Variants in FBLN1 observed in about 807,000 individuals in gnomAD.
The protein encoded by FBLN1 is fibulin-1.
FBLN1 carries 34 observed loss-of-function variants against 89.7 expected under a neutral mutation model. The ratio of observed to expected loss-of-function variants is 0.38; its 90% CI spans 0.29 to 0.50. The LOEUF is 0.50. Ranked by LOEUF, FBLN1 falls within the 20% of genes least tolerant of loss-of-function variation. FBLN1 has a pLI of 0.92. For synonymous variants in FBLN1, 393 were observed against 391.3 expected (o/e 1.00, Z -0.05); for missense variants, 777 against 988.1 (o/e 0.79, Z 2.86).
intron 14 of FBLN1, chr22:45,565,816 C>G (rs886286252): frequency 3.9e-5 from 6 of 154,260 alleles, no homozygotes; most frequent in African/African-American, 1.4e-4. Flanking sequence ...AATCCCAGCA[C>G]TTTGGGAGGC....
At chr22:45,547,056 TGA>T in intron 11 of FBLN1, 27 bp from the exon 12 acceptor site, 1 of 1,613,880 alleles carries the variant, frequency 6.2e-7, no homozygotes, top group Non-Finnish European at 8.5e-7. Flanking sequence ...TATGATGCTC[TGA>T]GCGGTGACCC....
At chr22:45,560,681 T>G (rs1220324345) in intron 14 of FBLN1, among the ~76,000 whole-genome samples, 1 of 152,220 alleles carries the variant, frequency 6.6e-6, no homozygotes, top group Non-Finnish European at 1.5e-5. Flanking sequence ...TCCGACACCC[T>G]TAATATCCAT....
rs566250386 is a variant in FBLN1, at chr22:45,566,919, A to G, written c.1698-7592A>G. On this transcript the variant is annotated intron_variant, in intron 14 of 16. Transcript: ENST00000327858. ...TAATAACAACTCCAACAGCTAACAC[A>G]TAGAGTGCTGACCATGAGACAGGCG... Among the ~76,000 whole-genome samples, 3 of 152,362 alleles carry G rather than the reference A, an allele frequency of 2.0e-5. 1 individual carries two copies. The highest frequency in any genetic ancestry group is 4.1e-4 in the South Asian group (2 of 4,830).
In FBLN1 at chr22:45,518,792, G is replaced by A. The variant is rs375402034; in HGVS notation, c.185+5G>A. On this transcript the variant is annotated splice_donor_5th_base_variant and intron_variant, in intron 2 of 16. Transcript: ENST00000327858. ...TACGGAATCCAAAGAATGCAGGTAC[G>A]TTTGCCAGTGGCCACTGTTTCACTG... 9.4e-5 allele frequency: 150 copies of A among 1,599,890 alleles called. No homozygotes were observed. Among genetic ancestry groups the A allele is most frequent in the Admixed American group, 1.9e-4 (11 of 58,596 alleles).
At chr22:45,593,748 C>G (rs920464428) in intron 16 of FBLN1, among the ~76,000 whole-genome samples, 1 of 152,214 alleles carries the variant, frequency 6.6e-6, no homozygotes, top group Admixed American at 6.5e-5. Flanking sequence ...AAAGTGTTGT[C>G]TTCGTTCCTA....
At chr22:45,503,380 AGCTGGGCTGGGGGACGCTG>A in intron 1 of FBLN1, 1 of 192,658 alleles carries the variant, frequency 5.2e-6, no homozygotes, top group Middle Eastern at 2.0e-3. Flanking sequence ...CAGGGGCGCT[AGCTGGGCTGGGGGACGCTG>A]GCTGGGGGTT....
At chr22:45,591,625 T>C (rs895179637) in intron 16 of FBLN1, among the ~76,000 whole-genome samples, 1 of 152,142 alleles carries the variant, frequency 6.6e-6, no homozygotes, top group African/African-American at 2.4e-5. Flanking sequence ...CTTCCCGGCT[T>C]TTATGGCGTT....
chr22:45,525,413 A>G (rs1016203512), intron 2 of FBLN1, 130 bp from the exon 3 acceptor site: 6 of 842,900 alleles, frequency 7.1e-6, no homozygotes, highest in Non-Finnish European at 1.1e-5. Context: ...GGCACTGTGT[A>G]TTTCTCTCTC....
intron 2 of FBLN1, among the ~76,000 whole-genome samples, chr22:45,522,604 C>T (rs935570935): frequency 6.6e-6 from 1 of 152,186 alleles, no homozygotes; most frequent in African/African-American, 2.4e-5. Flanking sequence ...GCAGCTTCAA[C>T]AAGGACGTGT....
chr22:45,570,770 A>C (rs2088946722), intron 14 of FBLN1, among the ~76,000 whole-genome samples: 1 of 152,202 alleles, frequency 6.6e-6, no homozygotes, highest in Admixed American at 6.6e-5. Context: ...GTACCTGAGA[A>C]TATCAACAAG....
At chr22:45,589,798 G>A (rs917191199) in intron 16 of FBLN1, among the ~76,000 whole-genome samples, 2 of 151,898 alleles carry the variant, frequency 1.3e-5, no homozygotes, top group Admixed American at 1.3e-4. Flanking sequence ...GCACCAAGCT[G>A]CCTCATGTCT....
In FBLN1 at chr22:45,550,342, G is replaced by A. The variant is rs2088685635; in HGVS notation, c.1574-150G>A. On this transcript the variant is annotated intron_variant, in intron 13 of 16. Coordinates refer to ENST00000327858, the MANE Select transcript of FBLN1 (RefSeq NM_006486.3). This position sits in a 1 kb window ranked among gnomAD's most constrained non-coding sequence, Gnocchi z 8.4. ...ATAAATGTAAGAACTGGCACAGGAC[G>A]CTGCTCTGAAGATCAGCCAGTGGAG... The A allele has an allele frequency of 8.1e-6, 8 of 993,112 alleles. No individual in the cohort carries two copies. The highest frequency in any genetic ancestry group is 3.2e-5 in the African/African-American group (2 of 62,900). 61.5% of individuals were successfully genotyped at this position (993,112 alleles called of 1,614,324 possible).
chr22:45,557,319 A>G lies in FBLN1; in HGVS notation c.1697+6704A>G, dbSNP rs1333773080. Among the ~76,000 whole-genome samples the G allele has an allele frequency of 6.6e-6, 1 of 152,212 alleles. No individual in the cohort carries two copies. Among genetic ancestry groups the G allele is most frequent in the Non-Finnish European group, 1.5e-5 (1 of 68,038 alleles). ...AAACCCATATCCAGAGTAAGTGTCT[A>G]TTCCGGTGAGGACAAACCTCTGCCA... On this transcript the variant is annotated intron_variant, in intron 14 of 16. Coordinates refer to ENST00000327858, the MANE Select transcript of FBLN1 (RefSeq NM_006486.3). The surrounding 1 kb of genome is among the most constrained non-coding windows in gnomAD (Gnocchi z 4.9).
At chr22:45,528,763 G>T (rs2088365182) in intron 4 of FBLN1, among the ~76,000 whole-genome samples, 1 of 152,184 alleles carries the variant, frequency 6.6e-6, no homozygotes, top group Non-Finnish European at 1.5e-5. Flanking sequence ...GGTAACACGT[G>T]CATCCGTGTC....
chr22:45,533,586 C>CA (rs2088439294), intron 6 of FBLN1, among the ~76,000 whole-genome samples, 175 bp from the exon 7 acceptor site: 1 of 152,228 alleles, frequency 6.6e-6, no homozygotes, highest in Admixed American at 6.5e-5. Flanking sequence ...GGAGAGAAAT[C>CA]ACTGCTTTCG....
At position 45,545,403 on chromosome 22, in the gene FBLN1, A is replaced by C. The variant is rs1479069739; in HGVS notation, c.1322-1682A>C. Among the ~76,000 whole-genome samples the C allele has an allele frequency of 1.3e-5, 2 of 152,200 alleles. No homozygotes were observed. The highest frequency in any genetic ancestry group is 2.9e-5 in the Non-Finnish European group (2 of 68,034). On this transcript the variant is annotated intron_variant, in intron 11 of 16. Coordinates refer to ENST00000327858, the MANE Select transcript of FBLN1 (RefSeq NM_006486.3). The surrounding 1 kb of genome is among the most constrained non-coding windows in gnomAD (Gnocchi z 5.9). The stretch of plus-strand genomic sequence containing the variant: ...TATCACAGGGCCAAGCACAGGATGA[A>C]GAGCTGGCGGTGTGGAGGCTGCTGG...
At chr22:45,568,676 T>TTGTCTCAG (rs1569260326) in intron 14 of FBLN1, among the ~76,000 whole-genome samples, 24 of 76,958 alleles carry the variant, frequency 3.1e-4, no homozygotes, top group Admixed American at 4.7e-4. Context: ...GGGGAATGCC[T>TTGTCTCAG]CTTCTGTAGG....
At chr22:45,546,508 C>T (rs1199380344) in intron 11 of FBLN1, among the ~76,000 whole-genome samples, 2 of 152,254 alleles carry the variant, frequency 1.3e-5, no homozygotes, top group African/African-American at 4.8e-5. Flanking sequence ...GCCACCATGC[C>T]TTGCCGGGCT....
intron 16 of FBLN1, among the ~76,000 whole-genome samples, chr22:45,593,272 A>G (rs2089155148): frequency 6.6e-6 from 1 of 151,124 alleles, no homozygotes; most frequent in South Asian, 2.1e-4. Flanking sequence ...GAGAATGTGG[A>G]CCACAGAGCC....
Sources: allele counts gnomAD v4.1 joint callset (sites outside exome capture counted in the v4.1 genomes callset), GRCh38; gene constraint gnomAD v4.1.1; non-coding constraint Gnocchi (gnomAD v3.1); transcripts MANE v1.5; gene names NCBI Gene and HGNC (gene_info 2026-07-23, HGNC 2026-07-21).